Variants in CADM2 observed in about 807,000 individuals in gnomAD.
CADM2 encodes immunoglobulin superfamily member 4D.
A neutral mutation model predicts 49.8 loss-of-function variants in CADM2; 12 were observed. The ratio of observed to expected loss-of-function variants is 0.24; its 90% CI spans 0.15 to 0.39. The LOEUF is 0.39. CADM2 is among the 10% of genes least tolerant of loss of function. The pLI, the probability that CADM2 is intolerant of heterozygous loss-of-function variation, is 1.00. For missense variants in CADM2, 378 were observed against 492.3 expected (o/e 0.77, Z 2.20); for synonymous variants, 214 against 175.4 (o/e 1.22, Z -1.74).
chr3:85,710,605 C>T (rs1221077246), intron 1 of CADM2, among the ~76,000 whole-genome samples: 1 of 152,054 alleles, frequency 6.6e-6, no homozygotes, highest in Non-Finnish European at 1.5e-5. Flanking sequence ...TGATTGAGGA[C>T]AGTTTAATAC....
chr3:85,584,303 T>C (rs1156912156), intron 1 of CADM2, among the ~76,000 whole-genome samples: 1 of 152,066 alleles, frequency 6.6e-6, no homozygotes, highest in Non-Finnish European at 1.5e-5. Context: ...ATTCTGTATA[T>C]TTCAGTCTAG....
At position 86,066,865 on chromosome 3, in the gene CADM2, C is replaced by A; in HGVS notation, c.*82C>A. The stretch of plus-strand genomic sequence containing the variant: ...TATCATCTTTCAGAAGTCATTTCTA[C>A]CATCGTCTGCTACCCTTATTAACTC... On this transcript the variant is annotated 3_prime_UTR_variant, in exon 10 of 10. Coordinates refer to ENST00000383699, the MANE Select transcript of CADM2 (RefSeq NM_001167675.2). The A allele has an allele frequency of 1.1e-6, 1 of 901,208 alleles. No homozygotes were observed. The highest frequency in any genetic ancestry group is 1.4e-5 in the South Asian group (1 of 73,192). The allele number at this position is 901,208 out of a possible 1,614,324, so 55.8% of individuals were successfully genotyped here.
chr3:85,355,283 C>T (rs192342839), intron 1 of CADM2, among the ~76,000 whole-genome samples: 7 of 152,144 alleles, frequency 4.6e-5, no homozygotes, highest in African/African-American at 1.7e-4. Flanking sequence ...TCAGAGCTGG[C>T]TTCTCCTTAC....
intron 1 of CADM2, among the ~76,000 whole-genome samples, chr3:85,716,495 G>T (rs1052167073): frequency 2.0e-5 from 3 of 152,150 alleles, no homozygotes; most frequent in African/African-American, 7.2e-5. Context: ...CTCTTCAGAA[G>T]TTCTTTCATT....
rs1278526945 is a variant in CADM2 at position 86,074,068 on chromosome 3, A to G, written c.*7285A>G. ...ACTCTGTAAAGGTAATTTTACATTC[A>G]CTTATGTGTGTTTACTAATGTTGAG... On this transcript the variant is annotated 3_prime_UTR_variant, in exon 10 of 10. Coordinates refer to ENST00000383699, the MANE Select transcript of CADM2 (RefSeq NM_001167675.2). 6.6e-6 allele frequency: 1 copy of G among 152,008 alleles called. No homozygotes were observed. Among genetic ancestry groups the G allele is most frequent in the Non-Finnish European group, 1.5e-5 (1 of 67,896 alleles). The allele number at this position is 152,008 out of a possible 1,614,324, so 9.4% of individuals were successfully genotyped here.
rs1739510108 is a variant in CADM2, at chr3:86,067,979, T to C, written c.*1196T>C. 1 of 152,486 alleles carries C rather than the reference T, an allele frequency of 6.6e-6. No homozygotes were observed. Among genetic ancestry groups the C allele is most frequent in the Non-Finnish European group, 1.5e-5 (1 of 67,894 alleles). 9.4% of individuals were successfully genotyped at this position (152,486 alleles called of 1,614,324 possible). ...TTAAATTACAACCACAGTTGAATAA[T>C]AACCTAAAAATAAATTTTAGTTTGC... On this transcript the variant is annotated 3_prime_UTR_variant, in exon 10 of 10. Transcript: ENST00000383699.
intron 1 of CADM2, among the ~76,000 whole-genome samples, chr3:85,369,671 C>T (rs2033055138): frequency 6.6e-6 from 1 of 152,024 alleles, no homozygotes; most frequent in African/African-American, 2.4e-5. Flanking sequence ...AAAATGTAAA[C>T]ATGTTTGTTC....
intron 7 of CADM2, among the ~76,000 whole-genome samples, chr3:85,948,653 A>G (rs906619473): frequency 7.3e-5 from 11 of 151,386 alleles, no homozygotes; most frequent in Non-Finnish European, 1.6e-4. Flanking sequence ...TATGTTTGTA[A>G]CCTCAATCCA....
intron 6 of CADM2, among the ~76,000 whole-genome samples, chr3:85,923,529 C>T (rs1164692887): frequency 8.4e-6 from 1 of 119,628 alleles, no homozygotes; most frequent in Admixed American, 9.5e-5. Context: ...CAATTGATAT[C>T]ATGAAAGCAA....
At chr3:85,801,716 G>T (rs1220306089) in intron 2 of CADM2, among the ~76,000 whole-genome samples, 1 of 152,092 alleles carries the variant, frequency 6.6e-6, no homozygotes, top group African/African-American at 2.4e-5. Flanking sequence ...CTTCAACAAT[G>T]ACCAAGTTTA....
chr3:85,603,546 C>CT (rs965096317), intron 1 of CADM2, among the ~76,000 whole-genome samples: 7 of 151,324 alleles, frequency 4.6e-5, no homozygotes, highest in Admixed American at 6.6e-5. Flanking sequence ...ACTAAACATT[C>CT]TTTTTTTTCC....
chr3:85,282,083 T>C (rs1160322946), intron 1 of CADM2, among the ~76,000 whole-genome samples: 1 of 152,014 alleles, frequency 6.6e-6, no homozygotes, highest in Non-Finnish European at 1.5e-5. Context: ...TGTGAAATAT[T>C]ATACATAAAA....
At chr3:85,100,959 A>T (rs1192082688) in intron 1 of CADM2, among the ~76,000 whole-genome samples, 1 of 152,216 alleles carries the variant, frequency 6.6e-6, no homozygotes, top group Non-Finnish European at 1.5e-5. Context: ...AAGATGTCAT[A>T]CAAATCAACC....
chr3:85,438,756 T>G (rs538333026), intron 1 of CADM2, among the ~76,000 whole-genome samples: 27 of 152,246 alleles, frequency 1.8e-4, no homozygotes, highest in African/African-American at 6.3e-4. Flanking sequence ...CACTGTAGCC[T>G]CAAACTCCTT....
chr3:85,293,204 C>T (rs1312754151), intron 1 of CADM2, among the ~76,000 whole-genome samples: 4 of 152,012 alleles, frequency 2.6e-5, no homozygotes, highest in Non-Finnish European at 4.4e-5. Context: ...TGGATAAATT[C>T]CTCAACACAT....
intron 1 of CADM2, among the ~76,000 whole-genome samples, chr3:85,145,628 ACC>A (rs1217511295): frequency 2.6e-5 from 4 of 152,078 alleles, no homozygotes; most frequent in Non-Finnish European, 4.4e-5. Context: ...GGTGTCTATC[ACC>A]CTTAGTTTGG....
chr3:85,125,813 T>G (rs1368918049), intron 1 of CADM2, among the ~76,000 whole-genome samples: 2 of 152,228 alleles, frequency 1.3e-5, no homozygotes, highest in African/African-American at 4.8e-5. Context: ...TTAGCTCTAA[T>G]GATAATGAAT....
intron 1 of CADM2, among the ~76,000 whole-genome samples, chr3:85,016,563 C>T (rs539964198): frequency 2.6e-5 from 4 of 152,016 alleles, no homozygotes; most frequent in South Asian, 4.1e-4. Context: ...TTGGCCAAGG[C>T]GGGGACATCA....
intron 1 of CADM2, among the ~76,000 whole-genome samples, chr3:85,541,052 G>A (rs1456512746): frequency 3.3e-5 from 5 of 151,776 alleles, no homozygotes; most frequent in Admixed American, 2.0e-4. Context: ...ATGTAAATTT[G>A]GAGGTGAGGG....
Sources: allele counts gnomAD v4.1 joint callset (sites outside exome capture counted in the v4.1 genomes callset), GRCh38; gene constraint gnomAD v4.1.1; transcripts MANE v1.5; gene names NCBI Gene and HGNC (gene_info 2026-07-23, HGNC 2026-07-21).